Variants in TAFA1 observed in about 807,000 individuals in gnomAD.
TAFA1 encodes the protein TAFA chemokine like family member 1, also known as chemokine-like protein TAFA-1.
Under a neutral mutation model 18.5 loss-of-function variants are expected in TAFA1, and 4 were observed. That is an observed-to-expected ratio of 0.22 (90% CI 0.11 to 0.49). The LOEUF (loss-of-function observed/expected upper bound fraction) is 0.49, where lower values mean the gene tolerates loss of function less well. Ranked by LOEUF, TAFA1 falls within the 20% of genes least tolerant of loss-of-function variation. TAFA1 has a pLI of 0.98. For missense variants in TAFA1, 147 were observed against 169.0 expected (o/e 0.87, Z 0.72); for synonymous variants, 56 against 55.2 (o/e 1.01, Z -0.06).
intron 2 of TAFA1, among the ~76,000 whole-genome samples, chr3:68,116,823 T>A (rs1559526273): frequency 6.6e-6 from 1 of 152,182 alleles, no homozygotes; most frequent in African/African-American, 2.4e-5. Flanking sequence ...CCCACCTGCC[T>A]GGGTTTGTAA....
At position 68,154,560 on chromosome 3, in the gene TAFA1, C is replaced by T. The variant is rs114225054; in HGVS notation, c.118+147816C>T. On this transcript the variant is annotated intron_variant, in intron 2 of 4. Transcript: ENST00000478136. ...ATCCTCATGTTCCAAACCCCTGTTT[C>T]CTTGAGGCTTATGTGTCTCTCCTTT... Among the ~76,000 whole-genome samples, 1,340 of 152,296 alleles carry T rather than the reference C, an allele frequency of 8.8e-3. 24 individuals carry two copies. Among genetic ancestry groups the T allele is most frequent in the African/African-American group, 0.03 (1,262 of 41,564 alleles).
rs541094455 is a variant in TAFA1, at chr3:68,185,148, CCG to C, written c.118+178406_118+178407del. On this transcript the variant is annotated intron_variant, in intron 2 of 4. Coordinates refer to ENST00000478136, the MANE Select transcript of TAFA1 (RefSeq NM_213609.4). Reference sequence around the variant, plus strand: ...GAGATGTGTAGCCAGAGGAACCAGTCCGCATGGGAGACAGCAAGAAGGGTATT... The same window carrying C: ...GAGATGTGTAGCCAGAGGAACCAGTCCATGGGAGACAGCAAGAAGGGTATT... 2.2e-3 allele frequency among the ~76,000 whole-genome samples: 339 copies of C among 152,164 alleles called. 1 individual carries two copies. The highest frequency in any genetic ancestry group is 3.5e-3 in the Non-Finnish European group (238 of 67,998).
chr3:68,312,170 G>A lies in TAFA1; in HGVS notation c.119-105110G>A, dbSNP rs183091757. ...GCTGCACACAGCACGGGGATCCTGG[G>A]CCCAGCCCACCAGAACCACTTTTTC... On this transcript the variant is annotated intron_variant, in intron 2 of 4. Transcript: ENST00000478136. Among the ~76,000 whole-genome samples the A allele has an allele frequency of 7.0e-3, 1,067 of 152,244 alleles. 16 individuals are homozygous for A. Among genetic ancestry groups the A allele is most frequent in the Non-Finnish European group, 7.6e-3 (520 of 67,988 alleles).
chr3:68,292,732 A>G (rs1301587276), intron 2 of TAFA1, among the ~76,000 whole-genome samples: 1 of 152,068 alleles, frequency 6.6e-6, no homozygotes, highest in African/African-American at 2.4e-5. Context: ...TTTGGTAGAC[A>G]GGGTCTCGCT....
intron 3 of TAFA1, among the ~76,000 whole-genome samples, chr3:68,468,769 A>AT (rs892760674): frequency 6.6e-6 from 1 of 152,102 alleles, no homozygotes; most frequent in South Asian, 2.1e-4. Context: ...GATTTATGGG[A>AT]TTTTTTCACT....
intron 3 of TAFA1, among the ~76,000 whole-genome samples, chr3:68,527,109 T>C (rs2073120494): frequency 6.6e-6 from 1 of 152,176 alleles, no homozygotes; most frequent in Non-Finnish European, 1.5e-5. Context: ...TGCAAAGTCA[T>C]GTAAAGCTGA....
chr3:68,422,180 G>T (rs776327022), intron 3 of TAFA1, among the ~76,000 whole-genome samples: 9 of 152,110 alleles, frequency 5.9e-5, no homozygotes, highest in Non-Finnish European at 5.9e-5. Flanking sequence ...CTTAATATAT[G>T]ATGACCATTT....
chr3:68,435,888 C>A (rs538840025), intron 3 of TAFA1, among the ~76,000 whole-genome samples: 1 of 152,286 alleles, frequency 6.6e-6, no homozygotes, highest in African/African-American at 2.4e-5. Flanking sequence ...CGATTAACGT[C>A]CTGCCAGACT....
intron 3 of TAFA1, among the ~76,000 whole-genome samples, chr3:68,486,117 A>G (rs970929898): frequency 1.7e-4 from 24 of 144,336 alleles, no homozygotes; most frequent in African/African-American, 4.2e-4. Context: ...ATTTTATTTT[A>G]TTTTATTTTA....
chr3:68,481,785 C>G lies in TAFA1; in HGVS notation c.260-56971C>G, dbSNP rs148745135. On this transcript the variant is annotated intron_variant, in intron 3 of 4. Transcript: ENST00000478136. ...AATTTAGAGATTTGTCTCTAAATCACTGATTCAGAGAGAGCATTTCTTAAT... is the reference window on the plus strand; with the variant it reads ...AATTTAGAGATTTGTCTCTAAATCAGTGATTCAGAGAGAGCATTTCTTAAT... Among the ~76,000 whole-genome samples, 650 of 152,258 alleles carry G rather than the reference C, an allele frequency of 4.3e-3. 6 individuals carry two copies. The highest frequency in any genetic ancestry group is 0.015 in the African/African-American group (626 of 41,552).
chr3:68,425,426 G>A (rs1045124691), intron 3 of TAFA1, among the ~76,000 whole-genome samples: 13 of 151,904 alleles, frequency 8.6e-5, no homozygotes, highest in African/African-American at 3.1e-4. Flanking sequence ...CATTTATAAA[G>A]GGAAATTCGA....
chr3:68,255,750 T>C (rs961851099), intron 2 of TAFA1, among the ~76,000 whole-genome samples: 33 of 152,126 alleles, frequency 2.2e-4, no homozygotes, highest in African/African-American at 7.7e-4. Flanking sequence ...TAGGATTTTC[T>C]GTCTTCTGAA....
At chr3:68,313,576 G>A (rs1401247711) in intron 2 of TAFA1, among the ~76,000 whole-genome samples, 1 of 152,176 alleles carries the variant, frequency 6.6e-6, no homozygotes. Context: ...AGTTGACAAA[G>A]TTCTGATAAA....
At chr3:68,442,060 C>T (rs2071393816) in intron 3 of TAFA1, among the ~76,000 whole-genome samples, 1 of 152,168 alleles carries the variant, frequency 6.6e-6, no homozygotes, top group African/African-American at 2.4e-5. Context: ...TTCTTCCAGC[C>T]TCTGCCCATT....
chr3:68,046,369 A>C (rs1015409342), intron 2 of TAFA1, among the ~76,000 whole-genome samples: 3 of 152,186 alleles, frequency 2.0e-5, no homozygotes, highest in African/African-American at 7.2e-5. Context: ...ATGTATAACT[A>C]TTTCATTAAT....
chr3:68,305,728 G>C (rs146473913), intron 2 of TAFA1, among the ~76,000 whole-genome samples: 1 of 151,720 alleles, frequency 6.6e-6, no homozygotes. Context: ...CAAGGGAAGA[G>C]GATATGTAAT....
intron 2 of TAFA1, among the ~76,000 whole-genome samples, chr3:68,171,163 C>T (rs2066048667): frequency 6.6e-6 from 1 of 152,042 alleles, no homozygotes; most frequent in Admixed American, 6.5e-5. Context: ...AATGTAATCA[C>T]AAAGGTTCTT....
chr3:68,412,865 G>C (rs1268938771), intron 2 of TAFA1, among the ~76,000 whole-genome samples: 2 of 152,072 alleles, frequency 1.3e-5, no homozygotes, highest in Non-Finnish European at 2.9e-5. Context: ...ATAGCAGCAT[G>C]ATTTATAGTC....
chr3:68,255,657 T>C (rs1437036641), intron 2 of TAFA1, among the ~76,000 whole-genome samples: 2 of 151,930 alleles, frequency 1.3e-5, no homozygotes, highest in African/African-American at 2.4e-5. Context: ...TTGAGAGTTT[T>C]ATAGGGTTTT....
Sources: allele counts gnomAD v4.1 joint callset (sites outside exome capture counted in the v4.1 genomes callset), GRCh38; gene constraint gnomAD v4.1.1; transcripts MANE v1.5; gene names NCBI Gene and HGNC (gene_info 2026-07-23, HGNC 2026-07-21).